Variants in BCAR3 observed in about 807,000 individuals in gnomAD.
BCAR3 encodes BCAR3 adaptor protein, NSP family member, also known as breast cancer anti-estrogen resistance protein 3.
Under a neutral mutation model 80.1 loss-of-function variants are expected in BCAR3, and 37 were observed. The observed-to-expected ratio is 0.46, with a 90% confidence interval of 0.36 to 0.61. The LOEUF (loss-of-function observed/expected upper bound fraction) is 0.61, where lower values mean the gene tolerates loss of function less well. Among genes scored for constraint, BCAR3 ranks in the 20% least tolerant of loss-of-function variants. BCAR3 has a pLI of 0.00. For synonymous variants in BCAR3, 389 were observed against 418.9 expected (o/e 0.93, Z 0.87); for missense variants, 978 against 1,068.2 (o/e 0.92, Z 1.18).
intron 3 of BCAR3, among the ~76,000 whole-genome samples, chr1:93,614,454 T>C (rs377365898): frequency 6.6e-6 from 1 of 151,908 alleles, no homozygotes; most frequent in Non-Finnish European, 1.5e-5. Flanking sequence ...AGAGGCTCCT[T>C]TGAGGAAAGG....
intron 2 of BCAR3, among the ~76,000 whole-genome samples, chr1:93,787,426 A>G (rs1233263419): frequency 2.0e-5 from 3 of 152,116 alleles, no homozygotes; most frequent in African/African-American, 7.2e-5. Flanking sequence ...TGCCCTTTCA[A>G]ACTTTTTGAT....
chr1:93,564,791 A>C (rs1355421396), intron 11 of BCAR3, among the ~76,000 whole-genome samples: 1 of 152,124 alleles, frequency 6.6e-6, no homozygotes, highest in Non-Finnish European at 1.5e-5. Context: ...TTATTTTGGC[A>C]CCTTTGTTGA....
At chr1:93,783,901 G>A (rs1225294063) in intron 2 of BCAR3, among the ~76,000 whole-genome samples, 6 of 152,324 alleles carry the variant, frequency 3.9e-5, no homozygotes, top group Middle Eastern at 3.4e-3. Flanking sequence ...TAGACACTAT[G>A]TGATTTCTGA....
At chr1:93,732,222 G>A (rs890628126) in intron 2 of BCAR3, among the ~76,000 whole-genome samples, 6 of 152,338 alleles carry the variant, frequency 3.9e-5, no homozygotes, top group Middle Eastern at 3.4e-3. Context: ...CCTAGACAAC[G>A]TGTCCAGTGC....
chr1:93,621,286 G>A (rs569477827), intron 3 of BCAR3, among the ~76,000 whole-genome samples: 1 of 152,364 alleles, frequency 6.6e-6, no homozygotes, highest in African/African-American at 2.4e-5. Context: ...TCCTGCCAAA[G>A]TAGCTGTGAG....
In BCAR3 at chr1:93,739,798, C is replaced by T. The variant is rs547005152; in HGVS notation, c.-62-33656G>A. On this transcript the variant is annotated intron_variant, in intron 2 of 13. Transcript: ENST00000370244. ...GCCTGTAATCCCAGCACTTTGGGAG[C>T]CTGAGGCGGGTGGATCACCTGAGGT... 5.3e-4 allele frequency among the ~76,000 whole-genome samples: 81 copies of T among 152,034 alleles called. No homozygotes were observed. The South Asian group carries it at 0.017, about 31-fold the overall frequency.
intron 2 of BCAR3, among the ~76,000 whole-genome samples, chr1:93,732,310 A>G (rs2100685233): frequency 6.6e-6 from 1 of 152,296 alleles, no homozygotes. Flanking sequence ...CAGAGAATGA[A>G]AGAGGTTTGA....
Position 93,582,845 on chromosome 1 carries a change from C to G in BCAR3, c.1142G>C (p.Arg381Thr), listed in dbSNP as rs1389652235. The change falls in exon 7 of 12, where the codon AGG becomes ACG. Residue 381 changes from arginine to threonine, a missense_variant. Arg to Thr is a moderately conservative substitution (Grantham distance 71). Transcript: ENST00000260502. ...EPALSPAVVRRVSSDARAGEA... is the reference protein window; with the variant it reads ...EPALSPAVVRTVSSDARAGEA... ...CCCAGCCCTGGCGTCTGAGGAGACC[C>G]TCCGAACCACTGCTGGGCTCAGGGC... 1.2e-6 allele frequency: 2 copies of G among 1,613,356 alleles called. No individual in the cohort carries two copies. Among genetic ancestry groups the G allele is most frequent in the Admixed American group, 3.3e-5 (2 of 60,002 alleles).
At chr1:93,734,590 C>T (rs1164493760) in intron 2 of BCAR3, among the ~76,000 whole-genome samples, 1 of 152,164 alleles carries the variant, frequency 6.6e-6, no homozygotes, top group East Asian at 1.9e-4. Flanking sequence ...AGCAGCAGTA[C>T]AGCTTTGCAT....
chr1:93,828,068 G>T (rs1654431917), intron 2 of BCAR3, among the ~76,000 whole-genome samples: 1 of 152,180 alleles, frequency 6.6e-6, no homozygotes, highest in Non-Finnish European at 1.5e-5. Flanking sequence ...GGAGATCAAG[G>T]CTGCAGTGAG....
chr1:93,748,607 C>G (rs1023862862), intron 2 of BCAR3, among the ~76,000 whole-genome samples: 5 of 152,214 alleles, frequency 3.3e-5, no homozygotes, highest in Non-Finnish European at 7.3e-5. Flanking sequence ...CACCATCCCT[C>G]TCAATATTAT....
upstream of BCAR3, among the ~76,000 whole-genome samples, chr1:93,683,622 A>G (rs1571042685): frequency 6.6e-6 from 1 of 152,250 alleles, no homozygotes; most frequent in Non-Finnish European, 1.5e-5. Context: ...ACTCATTTAC[A>G]CTCAACAAGA....
At chr1:93,716,430 C>A (rs1387934286) in intron 2 of BCAR3, among the ~76,000 whole-genome samples, 1 of 152,194 alleles carries the variant, frequency 6.6e-6, no homozygotes, top group Admixed American at 6.5e-5. Flanking sequence ...CTGCTCAAAA[C>A]CCACTGAAGC....
At chr1:93,829,068 A>G (rs1405402793) in intron 2 of BCAR3, among the ~76,000 whole-genome samples, 1 of 152,162 alleles carries the variant, frequency 6.6e-6, no homozygotes, top group Non-Finnish European at 1.5e-5. Context: ...GAAAAGAGAG[A>G]GAAAAAGCTT....
intron 3 of BCAR3, among the ~76,000 whole-genome samples, chr1:93,629,064 A>C (rs1374454329): frequency 6.6e-6 from 1 of 152,204 alleles, no homozygotes; most frequent in Non-Finnish European, 1.5e-5. Flanking sequence ...CCAATGAAAA[A>C]AGCAAGTTGC....
Position 93,681,778 on chromosome 1 carries a change from C to G in BCAR3, c.-192G>C, listed in dbSNP as rs1258942414. The G allele has an allele frequency of 6.6e-6, 1 of 151,980 alleles. No individual in the cohort carries two copies. The highest frequency in any genetic ancestry group is 1.5e-5 in the Non-Finnish European group (1 of 68,018). The allele number at this position is 151,980 out of a possible 1,614,324, so 9.4% of individuals were successfully genotyped here. ...CCGCGCGCGTCTAGCCGGTGCGCCC[C>G]GCAGCTCCGGCTCCGGTCCCGGCCC... On this transcript the variant is annotated 5_prime_UTR_variant, in exon 1 of 12. Coordinates refer to ENST00000260502, the MANE Select transcript of BCAR3 (RefSeq NM_003567.4).
intron 3 of BCAR3, among the ~76,000 whole-genome samples, chr1:93,638,164 G>A (rs1164783174): frequency 1.3e-5 from 2 of 152,174 alleles, no homozygotes; most frequent in Non-Finnish European, 2.9e-5. Flanking sequence ...CAGGATAATC[G>A]CTTGAACCTG....
intron 9 of BCAR3, among the ~76,000 whole-genome samples, chr1:93,568,997 T>C (rs1037533159): frequency 6.6e-5 from 10 of 152,178 alleles, no homozygotes; most frequent in Non-Finnish European, 1.2e-4. Flanking sequence ...CTCATTTCTT[T>C]TCTTCTGCAG....
chr1:93,801,639 C>T (rs1401864768), intron 2 of BCAR3, among the ~76,000 whole-genome samples: 1 of 152,184 alleles, frequency 6.6e-6, no homozygotes, highest in Non-Finnish European at 1.5e-5. Context: ...CAAGCTTTTG[C>T]TTGGTCTGCA....
Sources: gnomAD v4.1 joint callset for allele counts (sites outside exome capture counted in the v4.1 genomes callset) on GRCh38, gnomAD v4.1.1 for gene constraint, MANE v1.5 for transcripts, NCBI Gene and HGNC (gene_info 2026-07-23, HGNC 2026-07-21) for gene names.